The following NELL1 variants were observed in gnomAD, a reference collection of about 807,000 sequenced individuals.
NELL1 encodes protein kinase C-binding protein NELL1.
In NELL1, 76 loss-of-function variants were observed where a neutral mutation model predicts 107.4. The observed-to-expected ratio is 0.71, with a 90% CI of 0.59 to 0.86. NELL1 has a LOEUF of 0.86. Among genes scored for constraint, NELL1 ranks in the 40% least tolerant of loss-of-function variants. The pLI, the probability that NELL1 is intolerant of heterozygous loss-of-function variation, is 0.00. For synonymous variants in NELL1, 353 were observed against 341.2 expected (o/e 1.03, Z -0.38); for missense variants, 1,024 against 1,005.5 (o/e 1.02, Z -0.25).
chr11:21,083,399 A>T (rs1339667568), intron 12 of NELL1, among the ~76,000 whole-genome samples: 1 of 152,156 alleles, frequency 6.6e-6, no homozygotes, highest in Non-Finnish European at 1.5e-5. Context: ...ACGGAAGAAA[A>T]GGAGGCTTGG....
chr11:21,343,362 C>T (rs766851682), intron 14 of NELL1, among the ~76,000 whole-genome samples: 5 of 152,118 alleles, frequency 3.3e-5, no homozygotes, highest in Non-Finnish European at 5.9e-5. Flanking sequence ...ATCTGCTTTG[C>T]AGCCTCCCTC....
chr11:21,132,969 C>T (rs1855659302), intron 13 of NELL1, among the ~76,000 whole-genome samples: 1 of 152,112 alleles, frequency 6.6e-6, no homozygotes, highest in African/African-American at 2.4e-5. Flanking sequence ...TCTCAGGAGA[C>T]CCGAAGTAGG....
intron 16 of NELL1, among the ~76,000 whole-genome samples, chr11:21,554,703 T>C (rs1235185640): frequency 6.6e-6 from 1 of 151,880 alleles, no homozygotes; most frequent in African/African-American, 2.4e-5. Context: ...ACCCAAATGA[T>C]TCTATGGAGT....
intron 15 of NELL1, among the ~76,000 whole-genome samples, chr11:21,451,196 A>G (rs11026089): frequency 0.24 from 33,831 of 140,344 alleles, 4,054 homozygotes; most frequent in Middle Eastern, 0.39. Context: ...AAAAAAAAAA[A>G]AAAAAAGAAA....
intron 2 of NELL1, among the ~76,000 whole-genome samples, chr11:20,692,555 T>C (rs111762169): frequency 0.026 from 3,926 of 150,748 alleles, 102 homozygotes; most frequent in African/African-American, 0.063. Flanking sequence ...CCAGTAGTCA[T>C]TCAGGAGCAG....
intron 15 of NELL1, among the ~76,000 whole-genome samples, chr11:21,454,014 G>C (rs1208986659): frequency 2.7e-5 from 4 of 147,500 alleles, no homozygotes; most frequent in African/African-American, 1.0e-4. Context: ...TGCCATGCTG[G>C]TGCGCTGCAC....
chr11:20,809,934 T>G (rs968175728), intron 3 of NELL1, among the ~76,000 whole-genome samples: 1 of 152,188 alleles, frequency 6.6e-6, no homozygotes, highest in African/African-American at 2.4e-5. Context: ...TTGAGGAACC[T>G]CCATACTGTT....
At chr11:21,572,638 G>A (rs1857126877) in intron 18 of NELL1, among the ~76,000 whole-genome samples, 1 of 151,844 alleles carries the variant, frequency 6.6e-6, no homozygotes, top group Non-Finnish European at 1.5e-5. Context: ...AGAAAGTTCA[G>A]TGGTCACATG....
chr11:21,511,374 T>C (rs573667214), intron 15 of NELL1, among the ~76,000 whole-genome samples: 22 of 152,302 alleles, frequency 1.4e-4, no homozygotes, highest in African/African-American at 5.3e-4. Flanking sequence ...GGGTAAGTAA[T>C]GCTCCAGAGA....
At chr11:20,886,238 C>A (rs575755662) in intron 5 of NELL1, among the ~76,000 whole-genome samples, 1 of 151,888 alleles carries the variant, frequency 6.6e-6, no homozygotes, top group African/African-American at 2.4e-5. Context: ...TGCGTGTGTA[C>A]CCCCTACATC....
chr11:21,141,737 TTTTA>T (rs201651937), intron 13 of NELL1, among the ~76,000 whole-genome samples: 4,011 of 147,614 alleles, frequency 0.027, 65 homozygotes, highest in African/African-American at 0.057. Flanking sequence ...CCTCTATCCT[TTTTA>T]TTTATTTATT....
In NELL1 at chr11:20,708,986, A is replaced by G. The variant is rs147738685; in HGVS notation, c.184+30926A>G. On this transcript the variant is annotated intron_variant, in intron 2 of 19. Transcript: ENST00000357134. The stretch of plus-strand genomic sequence containing the variant: ...AGATTCCTTGCATGCACAGTTCACA[A>G]TAGGGGTCATGCTCCTATGAGAATC... Among the ~76,000 whole-genome samples, 1,405 of 152,238 alleles carry G rather than the reference A, an allele frequency of 9.2e-3. 23 individuals carry two copies. The highest frequency in any genetic ancestry group is 0.035 in the Admixed American group (542 of 15,284).
At chr11:21,260,928 T>C (rs1848517126) in intron 14 of NELL1, among the ~76,000 whole-genome samples, 1 of 151,868 alleles carries the variant, frequency 6.6e-6, no homozygotes, top group South Asian at 2.1e-4. Flanking sequence ...TTTCTATCAA[T>C]TTCTGAAATT....
chr11:21,467,839 G>C (rs1243695957), intron 15 of NELL1, among the ~76,000 whole-genome samples: 1 of 151,998 alleles, frequency 6.6e-6, no homozygotes, highest in Non-Finnish European at 1.5e-5. Flanking sequence ...GAATTTGTGG[G>C]TGATGAAAGC....
At chr11:21,128,269 T>G (rs1263910351) in intron 13 of NELL1, among the ~76,000 whole-genome samples, 1 of 152,212 alleles carries the variant, frequency 6.6e-6, no homozygotes. Context: ...GCCTCATTTA[T>G]GAGATGTGGC....
chr11:20,723,372 A>G (rs1199959907), intron 2 of NELL1, among the ~76,000 whole-genome samples: 1 of 152,178 alleles, frequency 6.6e-6, no homozygotes, highest in Non-Finnish European at 1.5e-5. Flanking sequence ...CATTGGGTAA[A>G]TGTTCCCATT....
chr11:20,836,846 A>G (rs535847488), intron 3 of NELL1, among the ~76,000 whole-genome samples: 1 of 152,254 alleles, frequency 6.6e-6, no homozygotes, highest in Admixed American at 6.5e-5. Context: ...TTTTTTAGGC[A>G]GTGGAACTAT....
intron 13 of NELL1, among the ~76,000 whole-genome samples, chr11:21,184,778 T>A (rs182971645): frequency 6.6e-6 from 1 of 152,038 alleles, no homozygotes; most frequent in East Asian, 1.9e-4. Flanking sequence ...TCGTGTTTTC[T>A]AGAAAATGTA....
At position 21,394,711 on chromosome 11, in the gene NELL1, C is replaced by A. The variant is rs563613031; in HGVS notation, c.1645+23763C>A. Among the ~76,000 whole-genome samples the A allele has an allele frequency of 4.0e-5, 6 of 151,542 alleles. No homozygotes were observed. In the East Asian group the frequency reaches 1.2e-3, roughly 30 times the overall value. Reference sequence around the variant, plus strand: ...ACACATAGCTGAAATTACATAATTTCATAATGTCAGTCTCTACTAGTGTCA... The same window carrying A: ...ACACATAGCTGAAATTACATAATTTAATAATGTCAGTCTCTACTAGTGTCA... On this transcript the variant is annotated intron_variant, in intron 15 of 19. Transcript: ENST00000357134.
Sources: allele counts gnomAD v4.1 joint callset (sites outside exome capture counted in the v4.1 genomes callset), GRCh38; gene constraint gnomAD v4.1.1; transcripts MANE v1.5; gene names NCBI Gene and HGNC (gene_info 2026-07-23, HGNC 2026-07-21).